The following PPM1E variants were observed in gnomAD, a reference collection of about 807,000 sequenced individuals.
The protein encoded by PPM1E is protein phosphatase 1E.
PPM1E carries 20 observed loss-of-function variants against 65.9 expected under a neutral mutation model. The observed-to-expected ratio is 0.30, with a 90% CI of 0.21 to 0.44. PPM1E has a LOEUF of 0.44. Ranked by LOEUF, PPM1E falls within the 20% of genes least tolerant of loss-of-function variation. The probability of loss-of-function intolerance (pLI) is 1.00; values close to 1 mark genes in which losing one functional copy is unlikely to be tolerated. For synonymous variants in PPM1E, 352 were observed against 374.9 expected, an observed-to-expected ratio of 0.94 and a Z score of 0.70; for missense variants, 713 against 953.1, an observed-to-expected ratio of 0.75 and a Z score of 3.32.
intron 1 of PPM1E, among the ~76,000 whole-genome samples, chr17:58,756,943 C>G (rs1273679322): frequency 1.3e-5 from 2 of 152,214 alleles, no homozygotes; most frequent in African/African-American, 4.8e-5. Context: ...GACGCGACTC[C>G]TTTCTAGACT....
chr17:58,803,218 T>C (rs970811585), intron 1 of PPM1E, among the ~76,000 whole-genome samples: 1 of 152,202 alleles, frequency 6.6e-6, no homozygotes, highest in Admixed American at 6.5e-5. Context: ...GGGCTTGTCA[T>C]ATATGGCCTG....
At chr17:58,863,603 G>A (rs1475661036) in intron 1 of PPM1E, among the ~76,000 whole-genome samples, 1 of 152,166 alleles carries the variant, frequency 6.6e-6, no homozygotes, top group Non-Finnish European at 1.5e-5. Context: ...GCCTTTTTGG[G>A]TTCCTGCACC....
intron 1 of PPM1E, among the ~76,000 whole-genome samples, chr17:58,790,716 A>G (rs1029208940): frequency 6.6e-6 from 1 of 152,118 alleles, no homozygotes; most frequent in African/African-American, 2.4e-5. Context: ...CAATAGCCCC[A>G]GCTGAACTTC....
At chr17:58,831,096 C>T (rs1473231911) in intron 1 of PPM1E, among the ~76,000 whole-genome samples, 4 of 151,726 alleles carry the variant, frequency 2.6e-5, no homozygotes, top group Admixed American at 6.6e-5. Flanking sequence ...CTGCAACCTC[C>T]GCCTCCTGGG....
chr17:58,763,679 G>A (rs2049845124), intron 1 of PPM1E, among the ~76,000 whole-genome samples: 1 of 152,112 alleles, frequency 6.6e-6, no homozygotes, highest in South Asian at 2.1e-4. Context: ...TTGCCAAATT[G>A]TTTTGTCCAG....
At chr17:58,927,339 G>A (rs185003842) in intron 1 of PPM1E, among the ~76,000 whole-genome samples, 54 of 151,886 alleles carry the variant, frequency 3.6e-4, no homozygotes, top group African/African-American at 1.2e-3. Flanking sequence ...CACCGTGTCA[G>A]TCAGGATGGT....
Position 58,762,997 on chromosome 17 carries a change from T to C in PPM1E, c.464+6536T>C, listed in dbSNP as rs964141709. Among the ~76,000 whole-genome samples the C allele has an allele frequency of 5.3e-5, 8 of 152,076 alleles. No homozygotes were observed. In the East Asian group the frequency reaches 9.6e-4, roughly 18 times the overall value. On this transcript the variant is annotated intron_variant, in intron 1 of 6. Transcript: ENST00000308249. ...ATCCATGTAGATCTAGTTCTTTCATTGTAGCTACTGTATATCATTCTATAG... is the reference window on the plus strand; with the variant it reads ...ATCCATGTAGATCTAGTTCTTTCATCGTAGCTACTGTATATCATTCTATAG...
intron 1 of PPM1E, among the ~76,000 whole-genome samples, chr17:58,828,749 C>A (rs180911741): frequency 6.6e-6 from 1 of 152,192 alleles, no homozygotes; most frequent in Non-Finnish European, 1.5e-5. Context: ...CAGGCATGAG[C>A]CACTGTGCCT....
At chr17:58,955,144 C>T (rs1054465093) in intron 1 of PPM1E, among the ~76,000 whole-genome samples, 1 of 152,102 alleles carries the variant, frequency 6.6e-6, no homozygotes, top group Non-Finnish European at 1.5e-5. Context: ...GTGGGCGGAT[C>T]ACCTGAGGTT....
At chr17:58,918,451 G>T (rs893760530) in intron 1 of PPM1E, among the ~76,000 whole-genome samples, 2 of 152,066 alleles carry the variant, frequency 1.3e-5, no homozygotes, top group Admixed American at 1.3e-4. Context: ...GACTTGTAAT[G>T]TTAATTTATG....
chr17:58,885,337 A>G (rs1210078840), intron 1 of PPM1E, among the ~76,000 whole-genome samples: 1 of 152,218 alleles, frequency 6.6e-6, no homozygotes, highest in East Asian at 1.9e-4. Context: ...GATTACAGGC[A>G]TGAGCCACCG....
chr17:58,930,336 C>T (rs909027288), intron 1 of PPM1E, among the ~76,000 whole-genome samples: 29 of 151,780 alleles, frequency 1.9e-4, no homozygotes, highest in Non-Finnish European at 1.5e-5. Flanking sequence ...TGGTTGCACA[C>T]GCCTGTAGTC....
chr17:58,982,614 T>C lies in PPM1E; in HGVS notation c.*1583T>C. On this transcript the variant is annotated 3_prime_UTR_variant, in exon 7 of 7. Transcript: ENST00000308249. ...TATTTTGGATACCAGTATAGCTATA[T>C]CAAATAGACAAAAACAGCTTCACTT... 1 of 380,994 alleles carries C rather than the reference T, an allele frequency of 2.6e-6. No homozygotes were observed. The highest frequency in any genetic ancestry group is 4.8e-6 in the Non-Finnish European group (1 of 209,314). The allele number at this position is 380,994 out of a possible 1,614,324, so 23.6% of individuals were successfully genotyped here.
intron 1 of PPM1E, among the ~76,000 whole-genome samples, chr17:58,777,800 C>G (rs567581752): frequency 9.9e-5 from 15 of 152,266 alleles, no homozygotes; most frequent in African/African-American, 3.6e-4. Flanking sequence ...TTTTGCTCAC[C>G]ATCCTATCCT....
chr17:58,805,974 C>CAAAAAAAAAAAAAAAAAAA (rs1341289870), intron 1 of PPM1E, among the ~76,000 whole-genome samples: 1 of 74,018 alleles, frequency 1.4e-5, no homozygotes, highest in Non-Finnish European at 2.5e-5. Context: ...AAAAAAAAAA[C>CAAAAAAAAAAAAAAAAAAA]AAAAAAAAAA....
At chr17:58,767,779 A>AT (rs1329794684) in intron 1 of PPM1E, among the ~76,000 whole-genome samples, 1 of 151,988 alleles carries the variant, frequency 6.6e-6, no homozygotes, top group Non-Finnish European at 1.5e-5. Context: ...AGTAGCTGGG[A>AT]TTACAGGCAT....
At chr17:58,804,508 G>C (rs2050287145) in intron 1 of PPM1E, among the ~76,000 whole-genome samples, 2 of 152,234 alleles carry the variant, frequency 1.3e-5, no homozygotes, top group South Asian at 4.2e-4. Context: ...GGAAGACATG[G>C]AGATAGGGAA....
intron 1 of PPM1E, among the ~76,000 whole-genome samples, chr17:58,883,311 T>C (rs996512212): frequency 2.0e-5 from 3 of 152,050 alleles, no homozygotes; most frequent in African/African-American, 7.2e-5. Context: ...GAATGTTTTT[T>C]AAAAGTTTTG....
chr17:58,879,592 T>C (rs923644356), intron 1 of PPM1E, among the ~76,000 whole-genome samples: 1 of 137,146 alleles, frequency 7.3e-6, no homozygotes, highest in Non-Finnish European at 1.5e-5. Flanking sequence ...CACTGCAAGC[T>C]CCGCCTCCCG....
Sources: allele counts gnomAD v4.1 joint callset (sites outside exome capture counted in the v4.1 genomes callset), GRCh38; gene constraint gnomAD v4.1.1; transcripts MANE v1.5; gene names NCBI Gene and HGNC (gene_info 2026-07-23, HGNC 2026-07-21).